PLS3: variants seen among roughly 807,000 people sequenced by gnomAD.
PLS3 encodes plastin 3.
A neutral mutation model predicts 46.5 loss-of-function variants in PLS3; 11 were observed. The ratio of observed to expected loss-of-function variants is 0.24; its 90% CI spans 0.15 to 0.39. The LOEUF is 0.39. PLS3 is among the 10% of genes least tolerant of loss of function. The pLI, the probability that PLS3 is intolerant of heterozygous loss-of-function variation, is 1.00. For synonymous variants in PLS3, 167 were observed against 162.2 expected (o/e 1.03, Z -0.22); for missense variants, 308 against 461.8 (o/e 0.67, Z 3.05).
chrX:115,595,151 G>A (rs1439650566), intron 1 of PLS3, among the ~76,000 whole-genome samples: 2 of 111,597 alleles, frequency 1.8e-5, no homozygotes, highest in African/African-American at 3.3e-5. Context: ...AAAAAGCTAC[G>A]TATTAATTTA....
chrX:115,635,315 C>A (rs782568737), intron 7 of PLS3, among the ~76,000 whole-genome samples: 1 of 110,512 alleles, frequency 9.0e-6, no homozygotes, highest in Non-Finnish European at 1.9e-5. Context: ...AGTCCTCAAA[C>A]TTGATTATCT....
Position 115,649,675 on chromosome X carries a change from C to CTTTTTTTTTTTTTTTTTT in PLS3, c.*114_*115insTTTTTTTTTTTTTTTTTT. ...ACTCTTGGCCATTCAAAGGACTTTT[C>CTTTTTTTTTTTTTTTTTT]ATTTTGATTAACAGGACTAGCTTAT... is the stretch of plus-strand genomic sequence containing the variant. On this transcript the variant is annotated 3_prime_UTR_variant, in exon 16 of 16. Coordinates refer to ENST00000355899, the MANE Select transcript of PLS3 (RefSeq NM_005032.7). 1.5e-6 allele frequency: 1 copy of CTTTTTTTTTTTTTTTTTT among 655,077 alleles called. No homozygotes were observed. The highest frequency in any genetic ancestry group is 2.3e-6 in the Non-Finnish European group (1 of 441,774). 54.0% of individuals were successfully genotyped at this position (655,077 alleles called of 1,213,427 possible).
At chrX:115,561,606 T>C (rs2074135589) in intron 1 of PLS3, among the ~76,000 whole-genome samples, 2 of 111,996 alleles carry the variant, frequency 1.8e-5, no homozygotes, top group Non-Finnish European at 3.8e-5. Context: ...GCCCTTGCCC[T>C]GATTCCCCTC....
intron 3 of PLS3, among the ~76,000 whole-genome samples, chrX:115,626,957 T>G (rs1365303720): frequency 1.8e-5 from 2 of 109,436 alleles, no homozygotes; most frequent in African/African-American, 6.7e-5. Flanking sequence ...CAAGTGATTC[T>G]CATGCCTCAG....
rs192444903 is a variant in PLS3, at chrX:115,599,566, T to C, written c.-8-10677T>C. 1.9e-3 allele frequency among the ~76,000 whole-genome samples: 198 copies of C among 103,337 alleles called. 4 individuals carry two copies. The highest frequency in any genetic ancestry group is 5.5e-3 in the African/African-American group (154 of 27,831). The allele number at this position is 103,337 out of a possible 115,157, so 89.7% of individuals were successfully genotyped here. Reference sequence around the variant, plus strand: ...AGAGGGAAAAAACAGTTAATTACCTTTCCTCCAACACATGCTTTTGCTTTT... The same window carrying C: ...AGAGGGAAAAAACAGTTAATTACCTCTCCTCCAACACATGCTTTTGCTTTT... On this transcript the variant is annotated intron_variant, in intron 1 of 15. Coordinates refer to ENST00000355899, the MANE Select transcript of PLS3 (RefSeq NM_005032.7).
intron 1 of PLS3, among the ~76,000 whole-genome samples, chrX:115,571,102 G>T (rs2074212645): frequency 9.1e-6 from 1 of 110,296 alleles, no homozygotes; most frequent in Admixed American, 9.7e-5. Context: ...CACTGTGTTA[G>T]CCAGGATGGT....
chrX:115,570,382 G>A (rs1273068052), intron 1 of PLS3, among the ~76,000 whole-genome samples: 1 of 110,712 alleles, frequency 9.0e-6, no homozygotes, highest in African/African-American at 3.3e-5. Flanking sequence ...AAAGCAACTA[G>A]CATATGGTAG....
chrX:115,580,908 A>AT lies in PLS3; in HGVS notation c.-9+19654dup, dbSNP rs1374039571. Among the ~76,000 whole-genome samples the AT allele has an allele frequency of 3.6e-5, 4 of 110,663 alleles. No homozygotes were observed. In the Admixed American group the frequency reaches 3.9e-4, roughly 11 times the overall value. On this transcript the variant is annotated intron_variant, in intron 1 of 15. Coordinates refer to ENST00000355899, the MANE Select transcript of PLS3 (RefSeq NM_005032.7). ...TAGCAGTTTCTTTTTTATTTTTTAA[A>AT]TTTTTTGTGTGGAGATGGGGTCCCA...
chrX:115,564,203 G>A (rs781930025), intron 1 of PLS3, among the ~76,000 whole-genome samples: 4 of 111,491 alleles, frequency 3.6e-5, no homozygotes, highest in East Asian at 2.8e-4. Flanking sequence ...ACCTGAGGTG[G>A]GGAGCTATTA....
chrX:115,620,966 T>A (rs1556637469), intron 2 of PLS3, among the ~76,000 whole-genome samples: 1 of 109,265 alleles, frequency 9.2e-6, no homozygotes, highest in African/African-American at 3.3e-5. Flanking sequence ...AGTGCTGGGA[T>A]TACAGGCGTG....
At chrX:115,581,956 C>T (rs925846295) in intron 1 of PLS3, among the ~76,000 whole-genome samples, 1 of 111,947 alleles carries the variant, frequency 8.9e-6, no homozygotes, top group Non-Finnish European at 1.9e-5. Context: ...TGATGTGTTA[C>T]TTCCCACTTA....
chrX:115,632,516 C>T (rs1556639561), intron 5 of PLS3, among the ~76,000 whole-genome samples: 1 of 111,044 alleles, frequency 9.0e-6, no homozygotes, highest in Non-Finnish European at 1.9e-5. Flanking sequence ...CTAGATTTTA[C>T]CAAATGAGAT....
chrX:115,640,443 C>T lies in PLS3; in HGVS notation c.927C>T (p.Ile309=), dbSNP rs782362372. 14 of 1,196,822 alleles carry T rather than the reference C, an allele frequency of 1.2e-5. No homozygotes were observed. Among genetic ancestry groups the T allele is most frequent in the Non-Finnish European group, 1.5e-5 (13 of 882,418 alleles). ...SKAYFHLLNQ[I]APKGQKEGEP... is the part of the protein sequence containing the mutation. Reference sequence around the variant, plus strand: ...CCTATTTCCATCTTCTCAATCAAATCGCACCAAAAGGACAAAAGGAAGGTG... The same window carrying T: ...CCTATTTCCATCTTCTCAATCAAATTGCACCAAAAGGACAAAAGGAAGGTG... The change falls in exon 9 of 16, where the codon ATC becomes ATT. Residue 309 remains isoleucine, a synonymous_variant. Coordinates refer to ENST00000355899, the MANE Select transcript of PLS3 (RefSeq NM_005032.7).
chrX:115,566,526 C>G (rs1423127502), intron 1 of PLS3, among the ~76,000 whole-genome samples: 1 of 106,991 alleles, frequency 9.3e-6, no homozygotes, highest in Non-Finnish European at 1.9e-5. Flanking sequence ...GTAGCTGGGA[C>G]TACAGGCGCC....
At chrX:115,575,611 T>A (rs1324121683) in intron 1 of PLS3, among the ~76,000 whole-genome samples, 1 of 111,057 alleles carries the variant, frequency 9.0e-6, no homozygotes, top group African/African-American at 3.3e-5. Flanking sequence ...ACCTGGCTAA[T>A]TTTTTGTATT....
At chrX:115,635,456 C>T (rs1343336888) in intron 7 of PLS3, among the ~76,000 whole-genome samples, 2 of 108,870 alleles carry the variant, frequency 1.8e-5, no homozygotes, top group Non-Finnish European at 3.8e-5. Context: ...GCACAATCAG[C>T]CTGGCTAACA....
chrX:115,603,612 C>T lies in PLS3; in HGVS notation c.-8-6631C>T, dbSNP rs782127680. Among the ~76,000 whole-genome samples, 9 of 110,968 alleles carry T rather than the reference C, an allele frequency of 8.1e-5. No homozygotes were observed. In the East Asian group the frequency reaches 2.3e-3, roughly 28 times the overall value. On this transcript the variant is annotated intron_variant, in intron 1 of 15. Transcript: ENST00000355899. ...CTCTTTCTCTCTCCCTCTCTCTCAT[C>T]ATGTAAATAAAGTCCGCTTTTGCTT...
At chrX:115,647,157 A>G (rs2074959688) in intron 13 of PLS3, among the ~76,000 whole-genome samples, 2 of 111,731 alleles carry the variant, frequency 1.8e-5, no homozygotes, top group Non-Finnish European at 3.8e-5. Context: ...TATAGGGGCC[A>G]GGAGTGGTGG....
intron 5 of PLS3, among the ~76,000 whole-genome samples, chrX:115,633,327 C>T (rs899720088): frequency 7.3e-5 from 8 of 109,779 alleles, no homozygotes; most frequent in Non-Finnish European, 1.1e-4. Context: ...TGTGCCACCA[C>T]GCTGTGCTAA....
Sources: gnomAD v4.1 joint callset for allele counts (sites outside exome capture counted in the v4.1 genomes callset) on GRCh38, gnomAD v4.1.1 for gene constraint, MANE v1.5 for transcripts, NCBI Gene and HGNC (gene_info 2026-07-23, HGNC 2026-07-21) for gene names.